The following NCALD variants were observed in gnomAD, a reference collection of about 807,000 sequenced individuals.
The protein encoded by NCALD is neurocalcin delta.
A neutral mutation model predicts 18.6 loss-of-function variants in NCALD; 10 were observed. The observed-to-expected ratio is 0.54, with a 90% CI of 0.33 to 0.91. The LOEUF is 0.91. Among genes scored for constraint, NCALD ranks in the 40% least tolerant of loss-of-function variants. NCALD has a pLI of 0.03. For synonymous variants in NCALD, 88 were observed against 87.4 expected (o/e 1.01, Z -0.04); for missense variants, 184 against 247.6 (o/e 0.74, Z 1.72).
At position 101,689,471 on chromosome 8, in the gene NCALD, C is replaced by T; in HGVS notation, c.485-65G>A. 8.0e-7 allele frequency: 1 copy of T among 1,254,170 alleles called. No homozygotes were observed. Among genetic ancestry groups the T allele is most frequent in the Non-Finnish European group, 1.1e-6 (1 of 879,270 alleles). The allele number at this position is 1,254,170 out of a possible 1,614,324, so 77.7% of individuals were successfully genotyped here. On this transcript the variant is annotated intron_variant, in intron 3 of 3. Coordinates refer to ENST00000220931, the MANE Select transcript of NCALD (RefSeq NM_032041.3). The surrounding 1 kb of genome is among the most constrained non-coding windows in gnomAD (Gnocchi z 4.4). ...GCTGCATGAGCTTACACCCTTCCCA[C>T]TACTGCGTGCTGGGCAGTGTCGATT... is the stretch of plus-strand genomic sequence containing the variant.
At chr8:101,803,978 A>C (rs960401920) in intron 4 of NCALD, among the ~76,000 whole-genome samples, 2 of 152,068 alleles carry the variant, frequency 1.3e-5, no homozygotes, top group Admixed American at 6.6e-5. Context: ...GATGTGGTAA[A>C]CTTCACTGTT....
rs1158510540 is a variant in NCALD at position 102,048,119 on chromosome 8, A to G, written c.-209-27830T>C. 5.9e-5 allele frequency among the ~76,000 whole-genome samples: 9 copies of G among 152,312 alleles called. No homozygotes were observed. The East Asian group carries it at 1.7e-3, about 29-fold the overall frequency. Reference sequence around the variant, plus strand: ...CAAAACATAAAAATATAATTAATTAACTAATTACTAAAAATATTGGAGCTT... The same window carrying G: ...CAAAACATAAAAATATAATTAATTAGCTAATTACTAAAAATATTGGAGCTT... On this transcript the variant is annotated intron_variant, in intron 1 of 6. Transcript: ENST00000311028.
At chr8:102,027,855 G>C (rs1038156705) in intron 1 of NCALD, among the ~76,000 whole-genome samples, 3 of 152,194 alleles carry the variant, frequency 2.0e-5, no homozygotes, top group Admixed American at 2.0e-4. Context: ...GGAAGGGGAA[G>C]TATGAGCAAA....
intron 1 of NCALD, among the ~76,000 whole-genome samples, chr8:102,123,345 C>T (rs891309871): frequency 6.6e-6 from 1 of 151,982 alleles, no homozygotes; most frequent in African/African-American, 2.4e-5. Context: ...CCAGCCGCCT[C>T]GCCTGCGGCC....
intron 1 of NCALD, among the ~76,000 whole-genome samples, chr8:102,109,300 GTTT>G (rs562357762): frequency 6.8e-6 from 1 of 146,948 alleles, no homozygotes; most frequent in East Asian, 2.0e-4. Flanking sequence ...GAAATGAAAG[GTTT>G]TTTTTTTTTA....
At chr8:101,983,957 G>C (rs1820713254) in intron 2 of NCALD, among the ~76,000 whole-genome samples, 1 of 152,152 alleles carries the variant, frequency 6.6e-6, no homozygotes, top group Non-Finnish European at 1.5e-5. Context: ...TCCTTTGTTA[G>C]TTTCTTTTAA....
chr8:102,097,544 C>T lies in NCALD; in HGVS notation c.-210+26693G>A, dbSNP rs1013006459. ...CCCTTCCCGGTGAGACATGTAGATG[C>T]TGTTTCATCAGAAGTTGCGTGGGTC... On this transcript the variant is annotated intron_variant, in intron 1 of 6. Coordinates refer to the NCALD transcript ENST00000311028. Among the ~76,000 whole-genome samples, 13 of 152,228 alleles carry T rather than the reference C, an allele frequency of 8.5e-5. No individual in the cohort carries two copies. The East Asian group carries it at 2.3e-3, about 27-fold the overall frequency.
At chr8:101,796,334 A>G (rs1178329385) in intron 4 of NCALD, among the ~76,000 whole-genome samples, 3 of 152,232 alleles carry the variant, frequency 2.0e-5, no homozygotes, top group Non-Finnish European at 4.4e-5. Flanking sequence ...AAATAGGTCT[A>G]ACTGACCACA....
intron 2 of NCALD, among the ~76,000 whole-genome samples, chr8:101,697,882 A>T (rs1815076058): frequency 6.6e-6 from 1 of 152,252 alleles, no homozygotes; most frequent in African/African-American, 2.4e-5. Context: ...AACTGGCACA[A>T]AACAAGTATG....
At chr8:102,036,636 G>T (rs190021260) in intron 1 of NCALD, among the ~76,000 whole-genome samples, 2 of 151,942 alleles carry the variant, frequency 1.3e-5, no homozygotes, top group Non-Finnish European at 2.9e-5. Flanking sequence ...TTAGCTGGGC[G>T]TGGTGGTGCA....
chr8:101,699,846 G>A (rs1054561747), intron 2 of NCALD, among the ~76,000 whole-genome samples: 1 of 152,066 alleles, frequency 6.6e-6, no homozygotes, highest in Non-Finnish European at 1.5e-5. Flanking sequence ...GTTGATAGGT[G>A]CAGCAAACCA....
chr8:101,706,695 G>A (rs1308177537), intron 2 of NCALD, among the ~76,000 whole-genome samples: 1 of 152,162 alleles, frequency 6.6e-6, no homozygotes, highest in Non-Finnish European at 1.5e-5. Flanking sequence ...AGGGAAAATT[G>A]GACACAGACA....
At chr8:101,894,432 C>T (rs1185108312) in intron 3 of NCALD, among the ~76,000 whole-genome samples, 48 of 138,254 alleles carry the variant, frequency 3.5e-4, no homozygotes, top group Non-Finnish European at 4.3e-4. Flanking sequence ...AATTGACACC[C>T]TAACATCACA....
At chr8:101,734,163 C>T (rs1220306985) in intron 1 of NCALD, among the ~76,000 whole-genome samples, 2 of 152,174 alleles carry the variant, frequency 1.3e-5, no homozygotes, top group Non-Finnish European at 2.9e-5. Context: ...GCCTCTGCTC[C>T]ATCAGATCTG....
At chr8:101,921,863 A>T (rs1818176776) in intron 2 of NCALD, among the ~76,000 whole-genome samples, 1 of 152,172 alleles carries the variant, frequency 6.6e-6, no homozygotes, top group Non-Finnish European at 1.5e-5. Flanking sequence ...TTAACTGAGA[A>T]AAAATCTGTG....
chr8:102,083,503 T>C (rs1159330299), intron 1 of NCALD, among the ~76,000 whole-genome samples: 7 of 152,064 alleles, frequency 4.6e-5, no homozygotes, highest in Non-Finnish European at 1.0e-4. Flanking sequence ...GGCTAAAGGG[T>C]TCCTTTATTC....
rs146716188 is a variant in NCALD, at chr8:102,051,763, A to T, written c.-209-31474T>A. On this transcript the variant is annotated intron_variant, in intron 1 of 6. Transcript: ENST00000311028. ...CAGCTCATGACCAAGCTATCAGAAC[A>T]CAGAAGTCCAAAATCACAGTGTGCC... Among the ~76,000 whole-genome samples the T allele has an allele frequency of 4.4e-3, 673 of 152,346 alleles. 1 individual carries two copies. The highest frequency in any genetic ancestry group is 7.4e-3 in the Admixed American group (114 of 15,312).
intron 3 of NCALD, among the ~76,000 whole-genome samples, chr8:101,907,541 TTTC>T (rs1817651233): frequency 6.6e-6 from 1 of 151,338 alleles, no homozygotes; most frequent in Non-Finnish European, 1.5e-5. Flanking sequence ...ATTTTATTAA[TTTC>T]TTATTTAATA....
chr8:101,879,023 A>G (rs1169380090), intron 4 of NCALD, among the ~76,000 whole-genome samples: 1 of 152,268 alleles, frequency 6.6e-6, no homozygotes, highest in Non-Finnish European at 1.5e-5. Flanking sequence ...CAGATATTGC[A>G]AGTAGTTGTC....
Sources: allele counts gnomAD v4.1 joint callset (sites outside exome capture counted in the v4.1 genomes callset), GRCh38; gene constraint gnomAD v4.1.1; non-coding constraint Gnocchi (gnomAD v3.1); transcripts MANE v1.5; gene names NCBI Gene and HGNC (gene_info 2026-07-23, HGNC 2026-07-21).